IQSEC2: variants seen among roughly 807,000 people sequenced by gnomAD.
IQSEC2 encodes the protein IQ motif and Sec7 domain ArfGEF 2.
In IQSEC2, 6 loss-of-function variants were observed where a neutral mutation model predicts 74.6. That is an observed-to-expected ratio of 0.08 (90% CI 0.04 to 0.16). The LOEUF (loss-of-function observed/expected upper bound fraction) is 0.16, where lower values mean the gene tolerates loss of function less well. Ranked by LOEUF, IQSEC2 falls within the 10% of genes least tolerant of loss-of-function variation. The pLI, the probability that IQSEC2 is intolerant of heterozygous loss-of-function variation, is 1.00. For synonymous variants in IQSEC2, 494 were observed against 544.5 expected (o/e 0.91, Z 1.29); for missense variants, 734 against 1,306.2 (o/e 0.56, Z 6.75).
chrX:53,243,569 G>A (rs1333892012), intron 8 of IQSEC2, 98 bp from the exon 9 acceptor site: 1 of 1,063,448 alleles, frequency 9.4e-7, no homozygotes, highest in African/African-American at 1.9e-5. Context: ...GGCCACGATA[G>A]TCAGGACTGA....
intron 1 of IQSEC2, among the ~76,000 whole-genome samples, chrX:53,294,525 A>T (rs1182188292): frequency 8.9e-6 from 1 of 112,317 alleles, no homozygotes; most frequent in African/African-American, 3.2e-5. Flanking sequence ...AGGTCCTTTT[A>T]TGGCTCATTC....
intron 1 of IQSEC2, among the ~76,000 whole-genome samples, chrX:53,304,193 C>T (rs1172267338): frequency 9.1e-6 from 1 of 110,168 alleles, no homozygotes; most frequent in Admixed American, 9.7e-5. Context: ...CTAAGGAAGC[C>T]AAGAATCAGA....
intron 2 of IQSEC2, among the ~76,000 whole-genome samples, chrX:53,272,322 A>C (rs2147209174): frequency 9.0e-6 from 1 of 111,533 alleles, no homozygotes; most frequent in East Asian, 2.8e-4. Context: ...AAAAGTATCT[A>C]CTGAAATCAA....
intron 1 of IQSEC2, among the ~76,000 whole-genome samples, chrX:53,303,716 G>A (rs1381991725): frequency 1.8e-5 from 2 of 109,136 alleles, no homozygotes; most frequent in Admixed American, 9.8e-5. Flanking sequence ...CAGGAGAATC[G>A]CTTGAACCTG....
intron 2 of IQSEC2, among the ~76,000 whole-genome samples, chrX:53,264,093 C>T (rs1409750496): frequency 8.9e-6 from 1 of 112,560 alleles, no homozygotes; most frequent in East Asian, 2.8e-4. Flanking sequence ...CTTGTGATTA[C>T]ATCCACCAGA....
intron 2 of IQSEC2, among the ~76,000 whole-genome samples, chrX:53,276,153 T>C (rs2074830396): frequency 8.9e-6 from 1 of 112,340 alleles, no homozygotes; most frequent in Admixed American, 9.4e-5. Context: ...AGGAACAAAA[T>C]GTCATTTTTA....
At chrX:53,252,251 G>C (rs936593390) in intron 4 of IQSEC2, among the ~76,000 whole-genome samples, 50 of 109,268 alleles carry the variant, frequency 4.6e-4, no homozygotes, top group African/African-American at 1.6e-3. Flanking sequence ...AGTAGAGACG[G>C]GGTTTCGCCA....
At chrX:53,312,133 G>A (rs1556878170) in intron 1 of IQSEC2, among the ~76,000 whole-genome samples, 1 of 110,829 alleles carries the variant, frequency 9.0e-6, no homozygotes, top group African/African-American at 3.3e-5. Context: ...ATACCTCTGT[G>A]TGTTTGCTCA....
chrX:53,235,930 G>T, intron 13 of IQSEC2, 98 bp from the exon 14 acceptor site: 1 of 819,287 alleles, frequency 1.2e-6, no homozygotes, highest in Non-Finnish European at 1.7e-6. Context: ...CCCTCCCGGG[G>T]ACAGACACCC....
chrX:53,299,959 T>A (rs1162750347), intron 1 of IQSEC2, among the ~76,000 whole-genome samples: 1 of 110,546 alleles, frequency 9.0e-6, no homozygotes, highest in Non-Finnish European at 1.9e-5. Flanking sequence ...AGGGTTTTAC[T>A]ATGTTGCCCA....
At chrX:53,250,060 C>A (rs2074361561) in intron 5 of IQSEC2, among the ~76,000 whole-genome samples, 1 of 111,542 alleles carries the variant, frequency 9.0e-6, no homozygotes, top group Admixed American at 9.5e-5. Flanking sequence ...AGACAGCCAG[C>A]CAGGGGCAGT....
intron 2 of IQSEC2, chrX:53,266,710 T>C: frequency 2.2e-6 from 2 of 918,170 alleles, no homozygotes; most frequent in Non-Finnish European, 2.7e-6. Context: ...CTCCAAGCTC[T>C]GCTTCTCCCA....
chrX:53,281,720 G>A (rs1267010034), intron 2 of IQSEC2: 12 of 425,461 alleles, frequency 2.8e-5, no homozygotes, highest in Admixed American at 4.8e-5. Context: ...CTCCTCCTCC[G>A]AGGAAGCGGC....
At chrX:53,269,210 A>T (rs1221731778) in intron 2 of IQSEC2, among the ~76,000 whole-genome samples, 1 of 111,934 alleles carries the variant, frequency 8.9e-6, no homozygotes, top group African/African-American at 3.2e-5. Context: ...CTCAAGTGCC[A>T]CTTCCTAAGG....
At chrX:53,274,750 C>T (rs2074801263) in intron 2 of IQSEC2, among the ~76,000 whole-genome samples, 1 of 111,051 alleles carries the variant, frequency 9.0e-6, no homozygotes, top group South Asian at 3.8e-4. Flanking sequence ...CATGAGCCAC[C>T]GCACCCGGCC....
At chrX:53,283,650 A>G (rs1339237304) in intron 2 of IQSEC2, among the ~76,000 whole-genome samples, 2 of 111,868 alleles carry the variant, frequency 1.8e-5, no homozygotes, top group Non-Finnish European at 3.8e-5. Flanking sequence ...GAACAGACTC[A>G]GATGATGACC....
chrX:53,270,063 C>T (rs948495790), intron 2 of IQSEC2, among the ~76,000 whole-genome samples: 1 of 95,022 alleles, frequency 1.1e-5, no homozygotes, highest in African/African-American at 3.9e-5. Flanking sequence ...TCCTGGGTCC[C>T]GGACCCGTCG....
At chrX:53,308,771 A>G (rs1227094993) in intron 1 of IQSEC2, among the ~76,000 whole-genome samples, 1 of 110,398 alleles carries the variant, frequency 9.1e-6, no homozygotes. Flanking sequence ...AAAGGTAACT[A>G]ATAGAGGAGC....
At chrX:53,304,125 A>G (rs2075238149) in intron 1 of IQSEC2, among the ~76,000 whole-genome samples, 1 of 105,860 alleles carries the variant, frequency 9.4e-6, no homozygotes, top group South Asian at 4.3e-4. Flanking sequence ...ACAGAGTGAG[A>G]CTCTGTCTCA....
Sources: gnomAD v4.1 joint callset for allele counts (sites outside exome capture counted in the v4.1 genomes callset) on GRCh38, gnomAD v4.1.1 for gene constraint, MANE v1.5 for transcripts, NCBI Gene and HGNC (gene_info 2026-07-23, HGNC 2026-07-21) for gene names.